HSF5: variants seen among roughly 807,000 people sequenced by gnomAD.
HSF5 encodes the protein heat shock factor protein 5.
A neutral mutation model predicts 50.8 loss-of-function variants in HSF5; 5 were observed. The ratio of observed to expected loss-of-function variants is 0.10; its 90% CI spans 0.05 to 0.21. The LOEUF (loss-of-function observed/expected upper bound fraction) is 0.21, where lower values mean the gene tolerates loss of function less well. Among genes scored for constraint, HSF5 ranks in the 10% least tolerant of loss-of-function variants. The pLI is 1.00. For synonymous variants in HSF5, 307 were observed against 307.4 expected (o/e 1.00, Z 0.02); for missense variants, 564 against 762.6 (o/e 0.74, Z 3.07).
At chr17:58,470,528 A>G (rs1311413882) in intron 2 of HSF5, among the ~76,000 whole-genome samples, 1 of 152,250 alleles carries the variant, frequency 6.6e-6, no homozygotes, top group African/African-American at 2.4e-5. Flanking sequence ...CTTAATGGGT[A>G]CCAAGTTTAA....
chr17:58,458,593 C>T (rs902416362), intron 5 of HSF5, among the ~76,000 whole-genome samples, 175 bp downstream of exon 5: 5 of 152,146 alleles, frequency 3.3e-5, no homozygotes, highest in African/African-American at 1.2e-4. Flanking sequence ...TTACATACTT[C>T]ACAACAATAA....
chr17:58,434,312 T>A (rs1251458861), intron 5 of HSF5, among the ~76,000 whole-genome samples: 1 of 152,044 alleles, frequency 6.6e-6, no homozygotes, highest in Non-Finnish European at 1.5e-5. Flanking sequence ...GCGTAGTGGC[T>A]CATGCCTATA....
At chr17:58,485,803 A>G (rs978624871) in intron 1 of HSF5, among the ~76,000 whole-genome samples, 27 of 151,922 alleles carry the variant, frequency 1.8e-4, no homozygotes, top group African/African-American at 6.5e-4. Context: ...GAAGTGGCTC[A>G]CACCTGTAAT....
At chr17:58,446,487 C>G (rs1478687303) in intron 5 of HSF5, among the ~76,000 whole-genome samples, 1 of 152,184 alleles carries the variant, frequency 6.6e-6, no homozygotes, top group Non-Finnish European at 1.5e-5. Flanking sequence ...CAAAATACAG[C>G]AAGGGGCAGA....
chr17:58,466,431 T>G (rs2143787642), intron 3 of HSF5, among the ~76,000 whole-genome samples: 1 of 152,320 alleles, frequency 6.6e-6, no homozygotes, highest in African/African-American at 2.4e-5. Context: ...AAAATAACTT[T>G]CAGCAATGAT....
At chr17:58,455,927 T>C (rs550131309) in intron 5 of HSF5, among the ~76,000 whole-genome samples, 2 of 152,172 alleles carry the variant, frequency 1.3e-5, no homozygotes, top group African/African-American at 4.8e-5. Flanking sequence ...AGTATGAAGG[T>C]TCTTAAAAAA....
At chr17:58,440,244 C>T (rs1417292748) in intron 5 of HSF5, among the ~76,000 whole-genome samples, 1 of 152,118 alleles carries the variant, frequency 6.6e-6, no homozygotes, top group Non-Finnish European at 1.5e-5. Flanking sequence ...CTGAGCTTTG[C>T]CTTTTGGGTC....
intron 5 of HSF5, among the ~76,000 whole-genome samples, chr17:58,446,586 G>A (rs1974565439): frequency 6.6e-6 from 1 of 152,166 alleles, no homozygotes; most frequent in Non-Finnish European, 1.5e-5. Context: ...GCCACAGTGG[G>A]AAGAAACTGA....
intron 2 of HSF5, among the ~76,000 whole-genome samples, chr17:58,478,792 G>A (rs1243989639): frequency 6.7e-6 from 1 of 149,654 alleles, no homozygotes; most frequent in Non-Finnish European, 1.5e-5. Context: ...GAACCCAGGA[G>A]GCGGAGGTTG....
chr17:58,438,181 CTA>C (rs1178699529), intron 5 of HSF5, among the ~76,000 whole-genome samples: 12 of 152,064 alleles, frequency 7.9e-5, no homozygotes, highest in South Asian at 2.1e-4. Context: ...AGATTGTACT[CTA>C]TTTTTACTGT....
Position 58,458,756 on chromosome 17 carries a change from A to T in HSF5, c.1720+12T>A. On this transcript the variant is annotated intron_variant, in intron 5 of 5. Transcript: ENST00000323777. ...TTCTACTTCTGGCATTCTAGAGCAC[A>T]ATAATCCTTACCAGGGGACTTTCCT... The T allele has an allele frequency of 6.2e-7, 1 of 1,603,358 alleles. No homozygotes were observed. The highest frequency in any genetic ancestry group is 8.5e-7 in the Non-Finnish European group (1 of 1,176,248).
chr17:58,441,923 C>T (rs1974503173), intron 5 of HSF5, among the ~76,000 whole-genome samples: 1 of 152,174 alleles, frequency 6.6e-6, no homozygotes, highest in South Asian at 2.1e-4. Flanking sequence ...TATTCTAATA[C>T]TCTAATTTGG....
intron 5 of HSF5, among the ~76,000 whole-genome samples, chr17:58,457,232 C>T (rs1974723748): frequency 6.6e-6 from 1 of 151,136 alleles, no homozygotes; most frequent in African/African-American, 2.4e-5. Flanking sequence ...TGCACTACAG[C>T]CCGGGCAACA....
In HSF5 at chr17:58,460,514, CT is replaced by C. The variant is rs775883313; in HGVS notation, c.1543-1570del. ...ACACACACACACACACACACACATACTTTTTTTTTTTTTGAGACGGAGTCTC... is the reference window on the plus strand; with the variant it reads ...ACACACACACACACACACACACATACTTTTTTTTTTTTGAGACGGAGTCTC... On this transcript the variant is annotated intron_variant, in intron 4 of 5. Coordinates refer to ENST00000323777, the MANE Select transcript of HSF5 (RefSeq NM_001080439.3). 2.0e-3 allele frequency among the ~76,000 whole-genome samples: 217 copies of C among 109,802 alleles called. 2 individuals carry two copies. The highest frequency in any genetic ancestry group is 3.0e-3 in the African/African-American group (91 of 30,558). 72.0% of individuals were successfully genotyped at this position (109,802 alleles called of 152,430 possible).
Position 58,487,757 on chromosome 17 carries a change from G to T in HSF5, c.518C>A (p.Pro173Gln). ...ATAPLQHQQP[P>Q]PPAGPRPEPH... ...CTCGGGCCGGGGCCCCGCGGGCGGCGGCGGCTGCTGGTGCTGCAGTGGCGC... is the reference window on the plus strand; with the variant it reads ...CTCGGGCCGGGGCCCCGCGGGCGGCTGCGGCTGCTGGTGCTGCAGTGGCGC... Residue 173 changes from proline (P) to glutamine (Q), a missense_variant, in exon 1 of 6, where the codon CCG (proline) becomes CAG (glutamine). Pro to Gln is a moderately conservative substitution (Grantham distance 76). Around this residue, in one of 5 missense-constraint regions of HSF5, gnomAD observed 441 missense variants for 533.6 expected, o/e 0.83. Transcript: ENST00000323777. 7.2e-7 allele frequency: 1 copy of T among 1,388,854 alleles called. No individual in the cohort carries two copies. The highest frequency in any genetic ancestry group is 9.2e-7 in the Non-Finnish European group (1 of 1,084,114). The allele number at this position is 1,388,854 out of a possible 1,614,324, so 86.0% of individuals were successfully genotyped here.
At chr17:58,454,129 A>G (rs931163447) in intron 5 of HSF5, among the ~76,000 whole-genome samples, 1 of 152,062 alleles carries the variant, frequency 6.6e-6, no homozygotes, top group Non-Finnish European at 1.5e-5. Context: ...ACCTTTGTTC[A>G]CTTGTTTATC....
At chr17:58,445,148 G>T (rs1165596588) in intron 5 of HSF5, among the ~76,000 whole-genome samples, 1 of 152,154 alleles carries the variant, frequency 6.6e-6, no homozygotes, top group African/African-American at 2.4e-5. Flanking sequence ...AAACTATTTT[G>T]CAATGTTGGT....
chr17:58,486,611 G>A (rs1412583544), intron 1 of HSF5, among the ~76,000 whole-genome samples: 2 of 152,136 alleles, frequency 1.3e-5, no homozygotes, highest in African/African-American at 2.4e-5. Context: ...GAAGCATCAA[G>A]CTCTAATTTG....
chr17:58,454,402 G>A (rs1370200155), intron 5 of HSF5, among the ~76,000 whole-genome samples: 1 of 152,090 alleles, frequency 6.6e-6, no homozygotes, highest in Non-Finnish European at 1.5e-5. Context: ...AAAGTTGAAA[G>A]CTTTTCCTCG....
Sources: allele counts gnomAD v4.1 joint callset (sites outside exome capture counted in the v4.1 genomes callset), GRCh38; gene constraint gnomAD v4.1.1; regional missense constraint gnomAD v4.1.1; transcripts MANE v1.5; gene names NCBI Gene and HGNC (gene_info 2026-07-23, HGNC 2026-07-21).